DTNA: variants seen among roughly 807,000 people sequenced by gnomAD.
DTNA encodes the protein dystrobrevin alpha, also known as dystrophin-related protein 3.
DTNA carries 43 observed loss-of-function variants against 100.7 expected under a neutral mutation model. The ratio of observed to expected loss-of-function variants is 0.43; its 90% CI spans 0.33 to 0.55. The LOEUF (loss-of-function observed/expected upper bound fraction) is 0.55. DTNA is among the 20% of genes least tolerant of loss of function. The probability of loss-of-function intolerance (pLI) is 0.04; values close to 1 mark genes in which losing one functional copy is unlikely to be tolerated. For missense variants in DTNA, 798 were observed against 953.9 expected, an observed-to-expected ratio of 0.84 and a Z score of 2.15; for synonymous variants, 349 against 347.9, an observed-to-expected ratio of 1.00 and a Z score of -0.04.
chr18:34,723,438 G>T (rs181061088), intron 1 of DTNA, among the ~76,000 whole-genome samples: 1 of 152,096 alleles, frequency 6.6e-6, no homozygotes, highest in African/African-American at 2.4e-5. Flanking sequence ...ATATCCAATC[G>T]TAGGAAATTA....
intron 14 of DTNA, among the ~76,000 whole-genome samples, chr18:34,849,729 T>TA (rs1479496194): frequency 6.6e-6 from 1 of 152,240 alleles, no homozygotes; most frequent in African/African-American, 2.4e-5. Flanking sequence ...ATTTTCATCT[T>TA]ATCTTAAAAG....
chr18:34,523,026 A>G (rs1441046442), intron 1 of DTNA, among the ~76,000 whole-genome samples: 2 of 152,198 alleles, frequency 1.3e-5, no homozygotes, highest in East Asian at 1.9e-4. Flanking sequence ...AAAGAAATCA[A>G]TGTTTCAGTC....
intron 1 of DTNA, among the ~76,000 whole-genome samples, chr18:34,558,453 TTG>T (rs2046333068): frequency 6.6e-6 from 1 of 152,210 alleles, no homozygotes. Context: ...CAAGTGCCTG[TTG>T]TGTGTCAGAC....
chr18:34,545,139 A>G (rs1201957965), intron 1 of DTNA, among the ~76,000 whole-genome samples: 3 of 151,998 alleles, frequency 2.0e-5, no homozygotes, highest in Non-Finnish European at 4.4e-5. Context: ...TGTGGGGGCT[A>G]ATGGGAAGGG....
chr18:34,740,218 C>T (rs534074936), intron 1 of DTNA, among the ~76,000 whole-genome samples: 2 of 152,210 alleles, frequency 1.3e-5, no homozygotes, highest in South Asian at 4.2e-4. Flanking sequence ...ACTCATTAAG[C>T]CTTTGAAGTT....
intron 4 of DTNA, among the ~76,000 whole-genome samples, chr18:34,803,408 T>A (rs539887527): frequency 6.6e-6 from 1 of 152,162 alleles, no homozygotes; most frequent in South Asian, 2.1e-4. Flanking sequence ...ATCTTCTTCA[T>A]TAAAAGCTGA....
At chr18:34,875,130 C>G in intron 17 of DTNA, 109 bp from the exon 18 acceptor site, 2 of 1,494,650 alleles carry the variant, frequency 1.3e-6, no homozygotes, top group Non-Finnish European at 1.8e-6. Context: ...GGATTTCCTC[C>G]TGCTTTGAAA....
intron 1 of DTNA, among the ~76,000 whole-genome samples, chr18:34,553,154 T>C (rs1368278118): frequency 2.6e-5 from 4 of 151,098 alleles, no homozygotes; most frequent in African/African-American, 4.9e-5. Context: ...TTTCATGTGT[T>C]TTTTGGCTGC....
intron 1 of DTNA, among the ~76,000 whole-genome samples, chr18:34,505,206 T>C (rs2040368715): frequency 6.6e-6 from 1 of 152,216 alleles, no homozygotes; most frequent in South Asian, 2.1e-4. Context: ...ACCTGTATTC[T>C]TTGACTACAA....
intron 1 of DTNA, among the ~76,000 whole-genome samples, chr18:34,657,250 G>C (rs2074520776): frequency 6.6e-6 from 1 of 152,098 alleles, no homozygotes; most frequent in African/African-American, 2.4e-5. Context: ...GATAATGTAA[G>C]GTTGTCATTC....
chr18:34,798,293 G>A (rs2095068721), intron 4 of DTNA, among the ~76,000 whole-genome samples: 1 of 152,132 alleles, frequency 6.6e-6, no homozygotes, highest in Non-Finnish European at 1.5e-5. Flanking sequence ...GAGCCACCAT[G>A]TCTGGCCAGT....
At chr18:34,868,168 A>AG (rs2096727663) in intron 17 of DTNA, 1 of 445,096 alleles carries the variant, frequency 2.2e-6, no homozygotes, top group Non-Finnish European at 3.0e-6. Flanking sequence ...AAAAAAAAAA[A>AG]AAGGAAAATT....
At chr18:34,560,350 T>G (rs1341586032) in intron 1 of DTNA, among the ~76,000 whole-genome samples, 1 of 152,308 alleles carries the variant, frequency 6.6e-6, no homozygotes, top group East Asian at 1.9e-4. Flanking sequence ...TGACACAATT[T>G]CAAAACAAAT....
intron 1 of DTNA, among the ~76,000 whole-genome samples, chr18:34,587,572 C>T (rs1382811762): frequency 6.6e-6 from 1 of 152,020 alleles, no homozygotes; most frequent in African/African-American, 2.4e-5. Context: ...GTGTTCTGAA[C>T]TTAAATGCAT....
At chr18:34,647,936 A>C (rs2060034694) in intron 1 of DTNA, among the ~76,000 whole-genome samples, 1 of 152,200 alleles carries the variant, frequency 6.6e-6, no homozygotes, top group South Asian at 2.1e-4. Flanking sequence ...AGGGGGAAAA[A>C]TAGTTGCTGT....
At chr18:34,836,647 CAAAAA>C (rs749690995) in intron 11 of DTNA, among the ~76,000 whole-genome samples, 1 of 51,680 alleles carries the variant, frequency 1.9e-5, no homozygotes, top group Non-Finnish European at 4.4e-5. Context: ...GACTCTGTCT[CAAAAA>C]AAAAAAAAAA....
chr18:34,594,075 G>C (rs1286102435), intron 1 of DTNA, among the ~76,000 whole-genome samples: 2 of 151,856 alleles, frequency 1.3e-5, no homozygotes, highest in African/African-American at 4.8e-5. Context: ...TTTTCAGGAA[G>C]AGAAGAATTA....
intron 1 of DTNA, among the ~76,000 whole-genome samples, chr18:34,679,933 A>T (rs1487274179): frequency 6.6e-6 from 1 of 152,194 alleles, no homozygotes; most frequent in African/African-American, 2.4e-5. Context: ...TAAAGGTTAT[A>T]TAATTTGTAA....
intron 15 of DTNA, among the ~76,000 whole-genome samples, chr18:34,854,698 C>T (rs1182657197): frequency 6.6e-6 from 1 of 152,174 alleles, no homozygotes; most frequent in Non-Finnish European, 1.5e-5. Context: ...TCCCTTTTCT[C>T]TAAGACATAT....
Sources: gnomAD v4.1 joint callset for allele counts (sites outside exome capture counted in the v4.1 genomes callset) on GRCh38, gnomAD v4.1.1 for gene constraint, MANE v1.5 for transcripts, NCBI Gene and HGNC (gene_info 2026-07-23, HGNC 2026-07-21) for gene names.